LMX1A: variants seen among roughly 807,000 people sequenced by gnomAD.
LMX1A encodes LIM homeobox transcription factor 1-alpha.
In LMX1A, 15 loss-of-function variants were observed where a neutral mutation model predicts 49.1. That is an observed-to-expected ratio of 0.31 (90% CI 0.20 to 0.47). The LOEUF is 0.47. LMX1A is among the 20% of genes least tolerant of loss of function. The pLI, the probability that LMX1A is intolerant of heterozygous loss-of-function variation, is 1.00. For missense variants in LMX1A, 372 were observed against 475.8 expected, an observed-to-expected ratio of 0.78 and a Z score of 2.03; for synonymous variants, 167 against 185.7, an observed-to-expected ratio of 0.90 and a Z score of 0.82.
At chr1:165,204,600 A>G (rs1650994656) in intron 8 of LMX1A, among the ~76,000 whole-genome samples, 1 of 152,226 alleles carries the variant, frequency 6.6e-6, no homozygotes, top group Non-Finnish European at 1.5e-5. Flanking sequence ...ACATTGGAAC[A>G]GCTGAGAAAT....
At chr1:165,271,296 G>T (rs1304749157) in intron 3 of LMX1A, among the ~76,000 whole-genome samples, 1 of 152,190 alleles carries the variant, frequency 6.6e-6, no homozygotes, top group African/African-American at 2.4e-5. Context: ...CATCATGCAG[G>T]TATTAGGTAG....
chr1:165,276,885 G>A (rs1653985853), intron 3 of LMX1A, among the ~76,000 whole-genome samples: 1 of 152,234 alleles, frequency 6.6e-6, no homozygotes, highest in South Asian at 2.1e-4. Flanking sequence ...CACCTTACAG[G>A]AGGGGAAACA....
chr1:165,233,108 C>T (rs1652292646), intron 4 of LMX1A, among the ~76,000 whole-genome samples: 1 of 152,226 alleles, frequency 6.6e-6, no homozygotes, highest in Non-Finnish European at 1.5e-5. Context: ...AGTTTGTTTT[C>T]CCATAGCCAT....
intron 4 of LMX1A, among the ~76,000 whole-genome samples, chr1:165,232,179 GC>G (rs1204497894): frequency 1.3e-5 from 2 of 152,138 alleles, no homozygotes; most frequent in Non-Finnish European, 2.9e-5. Context: ...GCAGCAAAGG[GC>G]CCCAGACCAG....
At chr1:165,354,702 C>G (rs1011746253) in intron 2 of LMX1A, among the ~76,000 whole-genome samples, 7 of 152,016 alleles carry the variant, frequency 4.6e-5, no homozygotes, top group African/African-American at 1.7e-4. Context: ...GTTTAAAGGA[C>G]AGAAGGAAAA....
rs139625464 is a variant in LMX1A, at chr1:165,326,950, C to G, written c.263+26126G>C. Reference sequence around the variant, plus strand: ...GGCAGCCCCCTCACCCCCAGACACACACACAGAACAAATAATCATATGGCT... The same window carrying G: ...GGCAGCCCCCTCACCCCCAGACACAGACACAGAACAAATAATCATATGGCT... On this transcript the variant is annotated intron_variant, in intron 3 of 8. Coordinates refer to ENST00000342310, the MANE Select transcript of LMX1A (RefSeq NM_177398.4). Among the ~76,000 whole-genome samples the G allele has an allele frequency of 1.9e-3, 286 of 152,334 alleles. 1 individual carries two copies. Among genetic ancestry groups the G allele is most frequent in the Middle Eastern group, 6.8e-3 (2 of 294 alleles).
intron 3 of LMX1A, among the ~76,000 whole-genome samples, chr1:165,269,679 G>A (rs945861748): frequency 3.3e-5 from 5 of 152,218 alleles, no homozygotes; most frequent in African/African-American, 1.2e-4. Flanking sequence ...TTAAAAAACT[G>A]TGGTACATAT....
chr1:165,303,472 A>T (rs982301101), intron 3 of LMX1A, among the ~76,000 whole-genome samples: 2 of 152,210 alleles, frequency 1.3e-5, no homozygotes, highest in African/African-American at 4.8e-5. Context: ...AAATTTACAA[A>T]AGCACAAGAC....
At chr1:165,313,352 T>A (rs930203959) in intron 3 of LMX1A, among the ~76,000 whole-genome samples, 1 of 152,018 alleles carries the variant, frequency 6.6e-6, no homozygotes, top group Non-Finnish European at 1.5e-5. Flanking sequence ...TAGATGCCCA[T>A]CTCCTCCACT....
chr1:165,301,924 G>A (rs1462047971), intron 3 of LMX1A, among the ~76,000 whole-genome samples: 2 of 151,924 alleles, frequency 1.3e-5, no homozygotes, highest in African/African-American at 2.4e-5. Flanking sequence ...GGGGTGGGGG[G>A]AATATCAACT....
chr1:165,324,999 T>C, intron 3 of LMX1A, among the ~76,000 whole-genome samples: 1 of 152,326 alleles, frequency 6.6e-6, no homozygotes, highest in East Asian at 1.9e-4. Flanking sequence ...AAAGTCTTCC[T>C]TATGTGAGCT....
At chr1:165,283,666 C>T (rs1254550040) in intron 3 of LMX1A, among the ~76,000 whole-genome samples, 1 of 152,136 alleles carries the variant, frequency 6.6e-6, no homozygotes, top group Non-Finnish European at 1.5e-5. Context: ...CTTGTTTATT[C>T]CTGCTTGTTT....
Position 165,249,599 on chromosome 1 carries a change from G to T in LMX1A, c.305C>A (p.Ala102Asp), listed in dbSNP as rs1652982595. 6.2e-7 allele frequency: 1 copy of T among 1,614,204 alleles called. No homozygotes were observed. Among genetic ancestry groups the T allele is most frequent in the Non-Finnish European group, 8.5e-7 (1 of 1,180,042 alleles). Residue 102 changes from alanine (A) to aspartate (D), a missense_variant, in exon 4 of 9, where the codon GCT (alanine) becomes GAT (aspartate). Ala to Asp is a moderately radical substitution (Grantham distance 126). This residue lies in a region of LMX1A where 199 missense variants were observed against 244.0 expected (regional missense o/e 0.82). Coordinates refer to ENST00000342310, the MANE Select transcript of LMX1A (RefSeq NM_177398.4). ...GGCCCGCATAACAAACTCATTGGGAGCGATGGCCTCGAAGCAGCCCCCACA... is the reference window on the plus strand; with the variant it reads ...GGCCCGCATAACAAACTCATTGGGATCGATGGCCTCGAAGCAGCCCCCACA... The part of the protein sequence containing the change: ...VKCGGCFEAI[A>D]PNEFVMRAQK...
intron 3 of LMX1A, among the ~76,000 whole-genome samples, chr1:165,352,504 C>T (rs913791663): frequency 4.6e-5 from 7 of 152,206 alleles, no homozygotes. Context: ...CGCTTAGCTC[C>T]GAATGGCAGC....
chr1:165,251,228 G>A (rs1017278595), intron 3 of LMX1A, among the ~76,000 whole-genome samples: 4 of 152,012 alleles, frequency 2.6e-5, no homozygotes, highest in Admixed American at 2.0e-4. Context: ...GATTAAAGGT[G>A]CATGTCACCA....
chr1:165,356,029 T>C (rs936981039), intron 1 of LMX1A: 2 of 155,208 alleles, frequency 1.3e-5, no homozygotes, highest in African/African-American at 4.8e-5. Context: ...GACGATGGGG[T>C]TTGCAATCCC....
intron 4 of LMX1A, among the ~76,000 whole-genome samples, chr1:165,228,947 G>T (rs1652145132): frequency 6.6e-6 from 1 of 152,114 alleles, no homozygotes; most frequent in South Asian, 2.1e-4. Flanking sequence ...GTACTGCTGT[G>T]TCATATATAG....
chr1:165,291,838 C>T (rs377015697), intron 3 of LMX1A, among the ~76,000 whole-genome samples: 10 of 151,910 alleles, frequency 6.6e-5, no homozygotes, highest in East Asian at 1.9e-4. Context: ...CCGAGACGGG[C>T]GGATCACAAG....
chr1:165,325,552 C>A (rs1374513927), intron 3 of LMX1A, among the ~76,000 whole-genome samples: 2 of 152,016 alleles, frequency 1.3e-5, no homozygotes, highest in Non-Finnish European at 2.9e-5. Context: ...CTATGACAGC[C>A]CCACAGTCCT....
Sources: gnomAD v4.1 joint callset for allele counts (sites outside exome capture counted in the v4.1 genomes callset) on GRCh38, gnomAD v4.1.1 for gene constraint, gnomAD v4.1.1 regional missense constraint, MANE v1.5 for transcripts, NCBI Gene and HGNC (gene_info 2026-07-23, HGNC 2026-07-21) for gene names.